SYTL3: variants seen among roughly 807,000 people sequenced by gnomAD.
SYTL3 encodes the protein synaptotagmin like 3, also known as synaptotagmin-like protein 3.
A neutral mutation model predicts 82.1 loss-of-function variants in SYTL3; 88 were observed. The ratio of observed to expected loss-of-function variants is 1.07; its 90% CI spans 0.90 to 1.28. The LOEUF is 1.28. Among genes scored for constraint, SYTL3 ranks in the 50% most tolerant of loss-of-function variants. The probability of loss-of-function intolerance (pLI) is 0.00; values close to 1 mark genes in which losing one functional copy is unlikely to be tolerated. For synonymous variants in SYTL3, 311 were observed against 289.4 expected (o/e 1.07, Z -0.76); for missense variants, 831 against 757.6 (o/e 1.10, Z -1.14).
At chr6:158,657,889 T>A (rs1788884579) in intron 2 of SYTL3, among the ~76,000 whole-genome samples, 1 of 151,476 alleles carries the variant, frequency 6.6e-6, no homozygotes, top group African/African-American at 2.4e-5. Flanking sequence ...TTTTTTTTTT[T>A]AACTTATTAC....
At chr6:158,758,993 A>G (rs1465269460) in intron 14 of SYTL3, among the ~76,000 whole-genome samples, 1 of 152,116 alleles carries the variant, frequency 6.6e-6, no homozygotes, top group Non-Finnish European at 1.5e-5. Flanking sequence ...GTCATCTCTC[A>G]GAACAGCATT....
chr6:158,704,284 C>T (rs980728416), intron 6 of SYTL3, among the ~76,000 whole-genome samples: 1 of 152,210 alleles, frequency 6.6e-6, no homozygotes, highest in African/African-American at 2.4e-5. Flanking sequence ...GCAGCTGTGA[C>T]GGGCCCCTCC....
At chr6:158,675,348 AC>A (rs1451093872) in intron 5 of SYTL3, among the ~76,000 whole-genome samples, 1 of 152,022 alleles carries the variant, frequency 6.6e-6, no homozygotes, top group Admixed American at 6.6e-5. Flanking sequence ...CTTGATAAAA[AC>A]CCTTTCTTTA....
At chr6:158,737,432 C>T (rs1420851065) in intron 11 of SYTL3, among the ~76,000 whole-genome samples, 1 of 152,022 alleles carries the variant, frequency 6.6e-6, no homozygotes, top group East Asian at 1.9e-4. Context: ...AGTTTTCTGC[C>T]CTTGTGAAAT....
chr6:158,747,765 C>A (rs1787861679), intron 12 of SYTL3, among the ~76,000 whole-genome samples: 1 of 152,078 alleles, frequency 6.6e-6, no homozygotes, highest in African/African-American at 2.4e-5. Flanking sequence ...GGGATTACAG[C>A]CATGAGCCAC....
At position 158,763,436 on chromosome 6, in the gene SYTL3, G is replaced by C. The variant is rs1790280187; in HGVS notation, c.1650G>C (p.Leu550Phe). 1 of 1,614,090 alleles carries C rather than the reference G, an allele frequency of 6.2e-7. No homozygotes were observed. The highest frequency in any genetic ancestry group is 8.5e-7 in the Non-Finnish European group (1 of 1,180,038). The change falls in exon 17 of 18, where the codon TTG becomes TTC. Residue 550 changes from leucine (L) to phenylalanine (F), a missense_variant. Transcript: ENST00000611299. ...VTPAQLRQSS[L>F]ELTVWDQALF... ...CAGCTCAGCTGAGGCAGTCAAGCTT[G>C]GAGTTAACTGTCTGGGATCAGGCCC...
chr6:158,686,236 G>A (rs910575400), intron 6 of SYTL3, among the ~76,000 whole-genome samples: 3 of 152,142 alleles, frequency 2.0e-5, no homozygotes, highest in Non-Finnish European at 4.4e-5. Flanking sequence ...ATAACTTTAA[G>A]AATAAAAACT....
chr6:158,727,265 C>G (rs1663151619), intron 11 of SYTL3, among the ~76,000 whole-genome samples: 1 of 151,968 alleles, frequency 6.6e-6, no homozygotes, highest in African/African-American at 2.4e-5. Flanking sequence ...GCCTCCGCCT[C>G]CCAGTTCAAA....
At chr6:158,683,952 G>A (rs759669823) in intron 6 of SYTL3, among the ~76,000 whole-genome samples, 6 of 152,202 alleles carry the variant, frequency 3.9e-5, no homozygotes, top group African/African-American at 7.2e-5. Flanking sequence ...AACTAATACA[G>A]GTGGAGAGTT....
intron 2 of SYTL3, among the ~76,000 whole-genome samples, chr6:158,654,328 C>T (rs779943073): frequency 2.6e-5 from 4 of 152,122 alleles, no homozygotes; most frequent in Non-Finnish European, 5.9e-5. Context: ...TTTAGATCCT[C>T]GATATCTGGC....
intron 6 of SYTL3, among the ~76,000 whole-genome samples, chr6:158,690,562 A>G (rs936535897): frequency 1.3e-5 from 2 of 152,224 alleles, no homozygotes; most frequent in African/African-American, 4.8e-5. Context: ...TCTAGTGAAG[A>G]ATAATAAATT....
chr6:158,740,632 A>C (rs1262498724), intron 11 of SYTL3, among the ~76,000 whole-genome samples: 4 of 152,138 alleles, frequency 2.6e-5, no homozygotes, highest in Admixed American at 2.6e-4. Context: ...CCTTAGTCCT[A>C]AGGAAACTGG....
chr6:158,693,103 C>G (rs1780101272), intron 6 of SYTL3, among the ~76,000 whole-genome samples: 1 of 152,172 alleles, frequency 6.6e-6, no homozygotes, highest in African/African-American at 2.4e-5. Flanking sequence ...TTCTGTAAAG[C>G]TTTCTTTGAA....
chr6:158,750,937 A>G (rs954309194), intron 12 of SYTL3, among the ~76,000 whole-genome samples: 10 of 152,174 alleles, frequency 6.6e-5, no homozygotes, highest in African/African-American at 2.2e-4. Flanking sequence ...CTGGGATTAC[A>G]GGTACATGCC....
intron 11 of SYTL3, among the ~76,000 whole-genome samples, chr6:158,727,192 A>G (rs1784840084): frequency 2.0e-5 from 3 of 150,036 alleles, no homozygotes. Flanking sequence ...TTATTTTTTG[A>G]GATGGAGTCT....
chr6:158,713,953 GTGACCTCGGTTGACAC>G lies in SYTL3; in HGVS notation c.595+78_595+93del. Reference sequence around the variant, plus strand: ...GAGCCCACTGGCCAGGGCCTGGCCGGTGACCTCGGTTGACACTGTCCCTCAGGCCACTCACTTTGTC... The same window carrying G: ...GAGCCCACTGGCCAGGGCCTGGCCGGTGTCCCTCAGGCCACTCACTTTGTC... On this transcript the variant is annotated intron_variant, in intron 9 of 17. Transcript: ENST00000611299. 15 of 1,104,084 alleles carry G rather than the reference GTGACCTCGGTTGACAC, an allele frequency of 1.4e-5. 1 individual carries two copies. In the South Asian group the frequency reaches 2.0e-4, roughly 15 times the overall value. The allele number at this position is 1,104,084 out of a possible 1,614,324, so 68.4% of individuals were successfully genotyped here.
Position 158,690,754 on chromosome 6 carries a change from T to C in SYTL3, c.394+7765T>C, listed in dbSNP as rs113383615. On this transcript the variant is annotated intron_variant, in intron 6 of 17. Coordinates refer to ENST00000611299, the MANE Select transcript of SYTL3 (RefSeq NM_001242394.2). ...CCCTAAAATTTCATAACTGGATATT[T>C]AGTTTTGTGGTCTTAAAATAATTTC... is the stretch of plus-strand genomic sequence containing the variant. Among the ~76,000 whole-genome samples the C allele has an allele frequency of 8.5e-3, 1,296 of 152,328 alleles. 13 individuals are homozygous for C. The highest frequency in any genetic ancestry group is 0.014 in the Non-Finnish European group (954 of 68,028).
chr6:158,762,238 C>G, intron 16 of SYTL3, 60 bp downstream of exon 16: 1 of 1,208,002 alleles, frequency 8.3e-7, no homozygotes, highest in Non-Finnish European at 1.2e-6. Flanking sequence ...CAACATGGCC[C>G]AGAACCTGCA....
At chr6:158,705,442 G>A (rs1781944729) in intron 6 of SYTL3, among the ~76,000 whole-genome samples, 1 of 144,722 alleles carries the variant, frequency 6.9e-6, no homozygotes, top group Non-Finnish European at 1.5e-5. Context: ...TAACACTGAG[G>A]GCCGTAAGGT....
Sources: allele counts gnomAD v4.1 joint callset (sites outside exome capture counted in the v4.1 genomes callset), GRCh38; gene constraint gnomAD v4.1.1; transcripts MANE v1.5; gene names NCBI Gene and HGNC (gene_info 2026-07-23, HGNC 2026-07-21).